Variants in UCN3 observed in about 807,000 individuals in gnomAD.
UCN3 encodes urocortin 3.
In UCN3, 3 loss-of-function variants were observed where a neutral mutation model predicts 3.6. That is an observed-to-expected ratio of 0.83 (90% CI 0.38 to 2.15). The LOEUF (loss-of-function observed/expected upper bound fraction) is 2.15. Among genes scored for constraint, UCN3 ranks in the 30% most tolerant of loss-of-function variants. The pLI is 0.06. For synonymous variants in UCN3, 100 were observed against 93.2 expected (o/e 1.07, Z -0.42); for missense variants, 206 against 208.3 (o/e 0.99, Z 0.07).
At chr10:5,370,877 G>T (rs1430748521) in intron 1 of UCN3, among the ~76,000 whole-genome samples, 2 of 111,932 alleles carry the variant, frequency 1.8e-5, no homozygotes, top group Admixed American at 9.0e-5. Context: ...GTATGTGTGT[G>T]TATATGCGTG....
chr10:5,366,508 GT>G lies in UCN3; in HGVS notation c.-7+1279del, dbSNP rs1183870416. Among the ~76,000 whole-genome samples the G allele has an allele frequency of 1.3e-5, 2 of 152,182 alleles. No individual in the cohort carries two copies. Among genetic ancestry groups the G allele is most frequent in the Non-Finnish European group, 2.9e-5 (2 of 68,032 alleles). On this transcript the variant is annotated intron_variant, in intron 1 of 1. Coordinates refer to ENST00000380433, the MANE Select transcript of UCN3 (RefSeq NM_053049.4). The surrounding 1 kb of genome is among the most constrained non-coding windows in gnomAD (Gnocchi z 4.2). ...TGCAAAATTAGACTTTATGTGGGAA[GT>G]ACAGAGTATCTTTTCTTCTTTGGGG...
intron 1 of UCN3, among the ~76,000 whole-genome samples, chr10:5,370,443 G>A (rs200183211): frequency 2.0e-5 from 2 of 101,832 alleles, no homozygotes; most frequent in Non-Finnish European, 1.9e-5. Context: ...ATATGCGTGT[G>A]TATGTGTGTG....
At chr10:5,370,378 C>CGT (rs1202021958) in intron 1 of UCN3, among the ~76,000 whole-genome samples, 2,012 of 6,720 alleles carry the variant, frequency 0.3, 629 homozygotes, top group African/African-American at 0.43. Context: ...TGTGTATATG[C>CGT]GTGTATATGC....
Position 5,365,746 on chromosome 10 carries a change from T to C in UCN3, c.-7+516T>C, listed in dbSNP as rs547639341. On this transcript the variant is annotated intron_variant, in intron 1 of 1. Coordinates refer to ENST00000380433, the MANE Select transcript of UCN3 (RefSeq NM_053049.4). The surrounding 1 kb of genome is among the most constrained non-coding windows in gnomAD (Gnocchi z 4.4). Reference sequence around the variant, plus strand: ...CACCTGTGAAGCAGGTAACGTCTCCTTCCTAGGACGCGGCAAGTGAAATGC... The same window carrying C: ...CACCTGTGAAGCAGGTAACGTCTCCCTCCTAGGACGCGGCAAGTGAAATGC... 6.6e-6 allele frequency among the ~76,000 whole-genome samples: 1 copy of C among 152,264 alleles called. No individual in the cohort carries two copies. The highest frequency in any genetic ancestry group is 6.5e-5 in the Admixed American group (1 of 15,288).
Position 5,370,695 on chromosome 10 carries a change from A to G in UCN3, c.-6-3020A>G, listed in dbSNP as rs200605665. 4.7e-3 allele frequency among the ~76,000 whole-genome samples: 232 copies of G among 48,932 alleles called. 18 individuals are homozygous for G. The highest frequency in any genetic ancestry group is 9.1e-3 in the East Asian group (8 of 880). The allele number at this position is 48,932 out of a possible 152,430, so 32.1% of individuals were successfully genotyped here. A position where few individuals can be genotyped will look rare whatever the true frequency, so the allele number is the denominator to read the frequency against. ...TGTGTATGTGTGTGTGTATGTGTGT[A>G]TATGTGTGTGTATATGATGTGTGTG... On this transcript the variant is annotated intron_variant, in intron 1 of 1. Coordinates refer to ENST00000380433, the MANE Select transcript of UCN3 (RefSeq NM_053049.4).
rs1834102653 is a variant in UCN3, at chr10:5,365,027, T to G, written c.-210T>G. On this transcript the variant is annotated 5_prime_UTR_variant, in exon 1 of 2. Coordinates refer to ENST00000380433, the MANE Select transcript of UCN3 (RefSeq NM_053049.4). This position sits in a 1 kb window ranked among gnomAD's most constrained non-coding sequence, Gnocchi z 4.4. ...GAATTACGATCCACCCTGTGATCTG[T>G]CACTTTTATATACACACAGGGGAGG... The G allele has an allele frequency of 6.6e-6, 1 of 152,136 alleles. No homozygotes were observed. 9.4% of individuals were successfully genotyped at this position (152,136 alleles called of 1,614,324 possible). A position where few individuals can be genotyped will look rare whatever the true frequency, so the allele number is the denominator to read the frequency against.
At chr10:5,369,605 C>A (rs1362655229) in intron 1 of UCN3, among the ~76,000 whole-genome samples, 1 of 152,198 alleles carries the variant, frequency 6.6e-6, no homozygotes, top group Non-Finnish European at 1.5e-5. Flanking sequence ...AGGCAACATG[C>A]CCAGATCTGG....
rs369776084 is a variant in UCN3, at chr10:5,370,665, ATGTG to A, written c.-6-3044_-6-3041del. 2.9e-5 allele frequency among the ~76,000 whole-genome samples: 2 copies of A among 68,464 alleles called. 1 individual carries two copies. The highest frequency in any genetic ancestry group is 5.4e-5 in the Non-Finnish European group (2 of 36,954). The allele number at this position is 68,464 out of a possible 152,430, so 44.9% of individuals were successfully genotyped here. Reference sequence around the variant, plus strand: ...TGTATATGTGTGTGTATGTGTGTGTATGTGTGTGTATGTGTGTGTGTATGTGTGT... The same window carrying A: ...TGTATATGTGTGTGTATGTGTGTGTATGTGTATGTGTGTGTGTATGTGTGT... On this transcript the variant is annotated intron_variant, in intron 1 of 1. Transcript: ENST00000380433.
rs1339630222 is a variant in UCN3 at position 5,366,158 on chromosome 10, C to T, written c.-7+928C>T. 2.6e-5 allele frequency among the ~76,000 whole-genome samples: 4 copies of T among 152,202 alleles called. No homozygotes were observed. Among genetic ancestry groups the T allele is most frequent in the Non-Finnish European group, 4.4e-5 (3 of 68,038 alleles). On this transcript the variant is annotated intron_variant, in intron 1 of 1. Transcript: ENST00000380433. The surrounding 1 kb of genome is among the most constrained non-coding windows in gnomAD (Gnocchi z 4.2). ...GCCTCCTGCCTTTGCTGCTTCATGT[C>T]CTGTCCTCTCCCTGTGAGGTGCTGG...
rs1236475343 is a variant in UCN3, at chr10:5,370,015, GTA to G, written c.-6-3696_-6-3695del. Among the ~76,000 whole-genome samples the G allele has an allele frequency of 7.8e-5, 10 of 127,554 alleles. 2 individuals carry two copies. The highest frequency in any genetic ancestry group is 5.3e-4 in the South Asian group (2 of 3,786). 83.7% of individuals were successfully genotyped at this position (127,554 alleles called of 152,430 possible). A position where few individuals can be genotyped will look rare whatever the true frequency, so the allele number is the denominator to read the frequency against. ...TGTGTATGTGTGTGTGTATGTGTGT[GTA>G]TATGTGTGTGTATATGCGTGTGTAT... On this transcript the variant is annotated intron_variant, in intron 1 of 1. Coordinates refer to ENST00000380433, the MANE Select transcript of UCN3 (RefSeq NM_053049.4).
At chr10:5,369,862 G>GC (rs1554811024) in intron 1 of UCN3, among the ~76,000 whole-genome samples, 3 of 99,564 alleles carry the variant, frequency 3.0e-5, no homozygotes, top group Middle Eastern at 6.0e-3. Flanking sequence ...TATCCACGTG[G>GC]GTGTGTGTGT....
At position 5,370,720 on chromosome 10, in the gene UCN3, G is replaced by A. The variant is rs1292339813; in HGVS notation, c.-6-2995G>A. 1.1e-4 allele frequency among the ~76,000 whole-genome samples: 13 copies of A among 115,354 alleles called. 1 individual carries two copies. Among genetic ancestry groups the A allele is most frequent in the African/African-American group, 4.7e-4 (12 of 25,404 alleles). 75.7% of individuals were successfully genotyped at this position (115,354 alleles called of 152,430 possible). ...ATATGTGTGTGTATATGATGTGTGT[G>A]TATATGCGTGTGTATATGTGTGTGT... On this transcript the variant is annotated intron_variant, in intron 1 of 1. Coordinates refer to ENST00000380433, the MANE Select transcript of UCN3 (RefSeq NM_053049.4).
intron 1 of UCN3, among the ~76,000 whole-genome samples, chr10:5,371,141 ATG>A (rs1289589042): frequency 8.0e-5 from 12 of 149,580 alleles, no homozygotes; most frequent in Admixed American, 7.3e-4. Flanking sequence ...GTGTGTGCAT[ATG>A]TGTGCATGTA....
At chr10:5,370,470 TGC>T (rs1470900379) in intron 1 of UCN3, among the ~76,000 whole-genome samples, 4 of 103,544 alleles carry the variant, frequency 3.9e-5, no homozygotes, top group African/African-American at 3.8e-5. Flanking sequence ...TGTGTGTATA[TGC>T]GTGTGTATAT....
intron 1 of UCN3, among the ~76,000 whole-genome samples, chr10:5,370,121 ATGTGTGTGTATGTGTGTG>A (rs1831339571): frequency 2.2e-5 from 1 of 46,084 alleles, no homozygotes. Flanking sequence ...ATGTGTGTGT[ATGTGTGTGTATGTGTGTG>A]TATGCGTGTG....
intron 1 of UCN3, among the ~76,000 whole-genome samples, chr10:5,369,198 G>A (rs1167238601): frequency 6.6e-6 from 1 of 152,178 alleles, no homozygotes; most frequent in Non-Finnish European, 1.5e-5. Context: ...ATACAACAAG[G>A]ACATTGCTCT....
rs1834105805 is a variant in UCN3, at chr10:5,365,338, C to T, written c.-7+108C>T. On this transcript the variant is annotated intron_variant, in intron 1 of 1. Transcript: ENST00000380433. The surrounding 1 kb of genome is among the most constrained non-coding windows in gnomAD (Gnocchi z 4.4). ...TGTGAGAGATGAGAGCTGCTAGCGCCCCTGGGTGGAAGCCCAAGGGAGCGA... is the reference window on the plus strand; with the variant it reads ...TGTGAGAGATGAGAGCTGCTAGCGCTCCTGGGTGGAAGCCCAAGGGAGCGA... The T allele has an allele frequency of 6.6e-6, 1 of 152,324 alleles. No individual in the cohort carries two copies. Among genetic ancestry groups the T allele is most frequent in the African/African-American group, 2.4e-5 (1 of 41,442 alleles). 9.4% of individuals were successfully genotyped at this position (152,324 alleles called of 1,614,324 possible).
chr10:5,372,555 T>C (rs1480093746), intron 1 of UCN3, among the ~76,000 whole-genome samples: 3 of 152,114 alleles, frequency 2.0e-5, no homozygotes, highest in Non-Finnish European at 4.4e-5. Context: ...AGGGTTTTTT[T>C]CTTTTCTTTT....
intron 1 of UCN3, among the ~76,000 whole-genome samples, chr10:5,369,931 G>GTGTA (rs1831323013): frequency 1.6e-5 from 2 of 127,164 alleles, no homozygotes; most frequent in Admixed American, 1.6e-4. Context: ...GTGTATGTGT[G>GTGTA]TGTGTGTATG....
Sources: gnomAD v4.1 joint callset for allele counts (sites outside exome capture counted in the v4.1 genomes callset) on GRCh38, gnomAD v4.1.1 for gene constraint, Gnocchi (gnomAD v3.1) non-coding constraint, MANE v1.5 for transcripts, NCBI Gene and HGNC (gene_info 2026-07-23, HGNC 2026-07-21) for gene names.